RNF139: variants seen among roughly 807,000 people sequenced by gnomAD.
The protein encoded by RNF139 is ring finger protein 139.
In RNF139, 15 loss-of-function variants were observed where a neutral mutation model predicts 49.5. The observed-to-expected ratio is 0.30, with a 90% CI of 0.20 to 0.47. The LOEUF is 0.47. Ranked by LOEUF, RNF139 falls within the 20% of genes least tolerant of loss-of-function variation. The pLI is 1.00. For synonymous variants in RNF139, 325 were observed against 300.9 expected, an observed-to-expected ratio of 1.08 and a Z score of -0.83; for missense variants, 619 against 806.3, an observed-to-expected ratio of 0.77 and a Z score of 2.81.
Position 124,486,581 on chromosome 8 carries a change from C to T in RNF139, c.932C>T (p.Ala311Val), listed in dbSNP as rs530717801. ...CATTATTTGGGGCTTGGAATATTGG[C>T]CTTTATTGGATCAACTGAGGAAGAT... ...VAHYLGLGIL[A>V]FIGSTEEDDR... is the part of the protein sequence containing the mutation. Residue 311 changes from alanine (A) to valine (V), a missense_variant, in exon 2 of 2, where the codon GCC becomes GTC. Physicochemically the swap from Ala to Val is moderately conservative, Grantham distance 64. Coordinates refer to ENST00000303545, the MANE Select transcript of RNF139 (RefSeq NM_007218.4). 1 of 1,614,078 alleles carries T rather than the reference C, an allele frequency of 6.2e-7. No homozygotes were observed. Among genetic ancestry groups the T allele is most frequent in the Non-Finnish European group, 8.5e-7 (1 of 1,180,014 alleles).
chr8:124,480,006 C>A (rs1453268167), intron 1 of RNF139, among the ~76,000 whole-genome samples: 3 of 151,740 alleles, frequency 2.0e-5, no homozygotes, highest in Admixed American at 6.6e-5. Context: ...GTGGTGGGTG[C>A]CTGTAGTCCT....
In RNF139 at chr8:124,475,183, C is replaced by G; in HGVS notation, c.74C>G (p.Ala25Gly). 1 of 1,613,770 alleles carries G rather than the reference C, an allele frequency of 6.2e-7. No homozygotes were observed. Among genetic ancestry groups the G allele is most frequent in the Middle Eastern group, 1.7e-4 (1 of 6,060 alleles). The stretch of plus-strand genomic sequence containing the variant: ...CAGGTCTGGGCGGCGCTCGAAGTGG[C>G]GCTCCGGGTGCCCTGCCTTTACATC... ...HQQVWAALEV[A>G]LRVPCLYIID... The change falls in exon 1 of 2, where the codon GCG becomes GGG. Residue 25 changes from alanine to glycine, a missense_variant. Physicochemically the swap from Ala to Gly is moderately conservative, Grantham distance 60. Around this residue, in one of 2 missense-constraint regions of RNF139, gnomAD observed 89 missense variants for 77.5 expected, o/e 1.15. Transcript: ENST00000303545.
intron 1 of RNF139, among the ~76,000 whole-genome samples, chr8:124,477,256 C>T (rs1306031044): frequency 6.6e-6 from 1 of 152,076 alleles, no homozygotes; most frequent in Non-Finnish European, 1.5e-5. Flanking sequence ...CTTACTGTGT[C>T]ATGTAATTAT....
Position 124,486,614 on chromosome 8 carries a change from G to A in RNF139, c.965G>A (p.Arg322His), listed in dbSNP as rs770207318. 39 of 1,614,154 alleles carry A rather than the reference G, an allele frequency of 2.4e-5. No individual in the cohort carries two copies. Among genetic ancestry groups the A allele is most frequent in the Non-Finnish European group, 3.1e-5 (37 of 1,180,020 alleles). Residue 322 changes from arginine (R) to histidine (H), a missense_variant, in exon 2 of 2, where the codon CGT (arginine) becomes CAT (histidine). Physicochemically the swap from Arg to His is conservative, Grantham distance 29. Around this residue, in one of 2 missense-constraint regions of RNF139, gnomAD observed 530 missense variants for 728.9 expected, o/e 0.73. Transcript: ENST00000303545. ...FIGSTEEDDR[R>H]LGFVAPVLFF... The stretch of plus-strand genomic sequence containing the variant: ...GGATCAACTGAGGAAGATGACAGGC[G>A]TCTTGGCTTTGTTGCACCTGTTTTA...
In RNF139 at chr8:124,475,322, C is replaced by G. The variant is rs184857186; in HGVS notation, c.181+32C>G. 16 of 1,584,346 alleles carry G rather than the reference C, an allele frequency of 1.0e-5. No homozygotes were observed. The Admixed American group carries it at 2.6e-4, about 26-fold the overall frequency. ...GAACAGGGTACCGTACGTCCCGGGA[C>G]GGCTATGCGGGCCGAGACGTTCCCC... is the stretch of plus-strand genomic sequence containing the variant. On this transcript the variant is annotated intron_variant, in intron 1 of 1. Transcript: ENST00000303545.
intron 1 of RNF139, among the ~76,000 whole-genome samples, chr8:124,478,880 C>A (rs527593811): frequency 3.3e-5 from 5 of 150,822 alleles, no homozygotes; most frequent in Non-Finnish European, 7.4e-5. Flanking sequence ...GCGCCACCAC[C>A]CCCGGCAAAT....
In RNF139 at chr8:124,478,285, T is replaced by TG. The variant is rs1243864311; in HGVS notation, c.181+3000dup. Among the ~76,000 whole-genome samples, 26 of 151,958 alleles carry TG rather than the reference T, an allele frequency of 1.7e-4. No homozygotes were observed. In the South Asian group the frequency reaches 2.5e-3, roughly 15 times the overall value. ...CCCTTCCTGCAGTAGCTTGATTTTA[T>TG]GGGGGAAAAAAAAAAGTACCTAGCC... On this transcript the variant is annotated intron_variant, in intron 1 of 1. Transcript: ENST00000303545.
chr8:124,483,541 T>C (rs1563631583), intron 1 of RNF139: 1 of 152,032 alleles, frequency 6.6e-6, no homozygotes, highest in Non-Finnish European at 1.5e-5. Context: ...TTCAAGCGAT[T>C]CTCCCACCTC....
rs1816537649 is a variant in RNF139 at position 124,486,693 on chromosome 8, A to G, written c.1044A>G (p.Arg348=). The G allele has an allele frequency of 1.2e-6, 2 of 1,614,086 alleles. No homozygotes were observed. The highest frequency in any genetic ancestry group is 1.7e-6 in the Non-Finnish European group (2 of 1,180,012). ...TAAGTGGGCTAAGACCAGAAGAGAG[A>G]CTTATTCGCTTAAGTAGAAACATGT... ...TGLSGLRPEE[R]LIRLSRNMCL... is the part of the protein sequence containing the mutation. Residue 348 remains arginine, a synonymous_variant, in exon 2 of 2, where the codon AGA becomes AGG. Transcript: ENST00000303545.
intron 1 of RNF139, among the ~76,000 whole-genome samples, chr8:124,479,787 T>C (rs911318987): frequency 6.6e-6 from 1 of 152,150 alleles, no homozygotes; most frequent in Non-Finnish European, 1.5e-5. Flanking sequence ...CCAATGTATA[T>C]ATAGAAATAA....
chr8:124,484,391 G>C (rs1248027225), intron 1 of RNF139, among the ~76,000 whole-genome samples: 1 of 152,194 alleles, frequency 6.6e-6, no homozygotes, highest in Non-Finnish European at 1.5e-5. Flanking sequence ...ATTTGGACAA[G>C]ATGAGGGTTT....
chr8:124,479,207 C>T (rs1816364861), intron 1 of RNF139, among the ~76,000 whole-genome samples: 1 of 152,204 alleles, frequency 6.6e-6, no homozygotes. Flanking sequence ...TCTCCTGCCT[C>T]AGCCTCCCAA....
chr8:124,475,365 G>C (rs1816296876), intron 1 of RNF139, 75 bp downstream of exon 1: 5 of 1,467,122 alleles, frequency 3.4e-6, no homozygotes, highest in East Asian at 4.8e-5. Flanking sequence ...GGGCAGGCGC[G>C]CAGAGGCCAT....
intron 1 of RNF139, among the ~76,000 whole-genome samples, chr8:124,484,744 A>G (rs897816415): frequency 6.6e-6 from 1 of 152,202 alleles, no homozygotes; most frequent in Non-Finnish European, 1.5e-5. Flanking sequence ...GATGGTGTCT[A>G]TGGAGTGGGG....
intron 1 of RNF139, 65 bp downstream of exon 1, chr8:124,475,355 G>C: frequency 6.6e-7 from 1 of 1,525,772 alleles, no homozygotes; most frequent in South Asian, 1.2e-5. Context: ...CCCGGGGAGC[G>C]GGCAGGCGCG....
intron 1 of RNF139, among the ~76,000 whole-genome samples, chr8:124,479,888 A>G (rs2131299431): frequency 6.6e-6 from 1 of 152,290 alleles, no homozygotes; most frequent in South Asian, 2.1e-4. Context: ...AATAAATTAT[A>G]CTAGATGTCT....
chr8:124,478,195 C>T (rs1816343685), intron 1 of RNF139, among the ~76,000 whole-genome samples: 1 of 151,544 alleles, frequency 6.6e-6, no homozygotes, highest in African/African-American at 2.4e-5. Flanking sequence ...AGGAAAATGC[C>T]TAAGACAAGC....
intron 1 of RNF139, among the ~76,000 whole-genome samples, chr8:124,483,128 A>AT (rs1586524826): frequency 5.8e-5 from 6 of 103,544 alleles, no homozygotes; most frequent in East Asian, 2.5e-4. Flanking sequence ...ATATATTTAA[A>AT]AGAGCCTGTT....
rs2131307805 is a variant in RNF139 at position 124,486,958 on chromosome 8, T to A, written c.1309T>A (p.Ser437Thr). 6.2e-7 allele frequency: 1 copy of A among 1,614,090 alleles called. No homozygotes were observed. ...CVELCLKVIVSLTVYTLFMID... is the reference protein window; with the variant it reads ...CVELCLKVIVTLTVYTLFMID... ...GGAACTGTGCTTAAAAGTAATTGTT[T>A]CTCTCACTGTTTATACGTTATTCAT... The change falls in exon 2 of 2, where the codon TCT becomes ACT. Residue 437 changes from serine to threonine, a missense_variant. Coordinates refer to ENST00000303545, the MANE Select transcript of RNF139 (RefSeq NM_007218.4).
Sources: gnomAD v4.1 joint callset for allele counts (sites outside exome capture counted in the v4.1 genomes callset) on GRCh38, gnomAD v4.1.1 for gene constraint, gnomAD v4.1.1 regional missense constraint, MANE v1.5 for transcripts, NCBI Gene and HGNC (gene_info 2026-07-23, HGNC 2026-07-21) for gene names.